The following SIMC1 variants were observed in gnomAD, a reference collection of about 807,000 sequenced individuals.
The protein encoded by SIMC1 is SUMO interacting motifs containing 1, also known as SUMO-interacting motif-containing protein 1.
SIMC1 carries 55 observed loss-of-function variants against 82.3 expected under a neutral mutation model. The ratio of observed to expected loss-of-function variants is 0.67; its 90% confidence interval spans 0.54 to 0.84. SIMC1 has a LOEUF of 0.84. SIMC1 is among the 40% of genes least tolerant of loss of function. SIMC1 has a pLI of 0.00. For synonymous variants in SIMC1, 353 were observed against 426.3 expected, an observed-to-expected ratio of 0.83 and a Z score of 2.12; for missense variants, 915 against 1,107.2, an observed-to-expected ratio of 0.83 and a Z score of 2.46.
At chr5:176,254,825 TAAG>T (rs1761794946) in intron 1 of SIMC1, among the ~76,000 whole-genome samples, 1 of 152,110 alleles carries the variant, frequency 6.6e-6, no homozygotes, top group South Asian at 2.1e-4. Flanking sequence ...CCATAAAAAA[TAAG>T]AATACTCATG....
rs569507776 is a variant in SIMC1, at chr5:176,318,872, C to T, written c.1890-3401C>T. Among the ~76,000 whole-genome samples, 11 of 152,008 alleles carry T rather than the reference C, an allele frequency of 7.2e-5. No homozygotes were observed. The East Asian group carries it at 1.6e-3, about 21-fold the overall frequency. On this transcript the variant is annotated intron_variant, in intron 5 of 9. Coordinates refer to ENST00000429602, the MANE Select transcript of SIMC1 (RefSeq NM_001308195.2). ...CTGTAGTCCCAGCACTTTGGGAGGC[C>T]GAGGTGGGTGGATCACTTTGAGCTC...
intron 9 of SIMC1, among the ~76,000 whole-genome samples, chr5:176,344,673 G>GGT (rs2113435375): frequency 6.6e-6 from 1 of 152,222 alleles, no homozygotes; most frequent in African/African-American, 2.4e-5. Context: ...AGAGTGAGGA[G>GGT]GTGCTACGTA....
intron 1 of SIMC1, among the ~76,000 whole-genome samples, chr5:176,286,026 G>C (rs574279398): frequency 9.2e-5 from 14 of 152,332 alleles, no homozygotes; most frequent in African/African-American, 3.4e-4. Context: ...CTCATGGATA[G>C]GAGGAATCAA....
intron 1 of SIMC1, among the ~76,000 whole-genome samples, chr5:176,263,971 G>A (rs540471449): frequency 1.1e-4 from 17 of 152,316 alleles, no homozygotes; most frequent in South Asian, 2.1e-4. Context: ...AAAAGAAAGC[G>A]GTAATAGGCC....
At chr5:176,275,416 A>G (rs1458155736) in intron 1 of SIMC1, among the ~76,000 whole-genome samples, 1 of 151,892 alleles carries the variant, frequency 6.6e-6, no homozygotes, top group Non-Finnish European at 1.5e-5. Flanking sequence ...TGTCATCTGC[A>G]AACAAGGACA....
Position 176,324,007 on chromosome 5 carries a change from A to T in SIMC1, c.2043-622A>T, listed in dbSNP as rs866426209. On this transcript the variant is annotated intron_variant, in intron 6 of 9. Transcript: ENST00000429602. ...CATCTCAAAAAAAAAAAAAAAAAAA[A>T]AAAAAAACACGTGTTAGAAAAGGCT... Among the ~76,000 whole-genome samples the T allele has an allele frequency of 3.7e-3, 563 of 151,768 alleles. 4 individuals carry two copies. Among genetic ancestry groups the T allele is most frequent in the African/African-American group, 0.013 (529 of 41,434 alleles).
chr5:176,243,329 C>T (rs1761331123), intron 1 of SIMC1, among the ~76,000 whole-genome samples: 1 of 152,106 alleles, frequency 6.6e-6, no homozygotes, highest in Non-Finnish European at 1.5e-5. Context: ...CGGGAATGAG[C>T]ATGACTTACT....
rs138138255 is a variant in SIMC1, at chr5:176,345,309, G to A, written c.2540G>A (p.Arg847His). 764 of 1,613,958 alleles carry A rather than the reference G, an allele frequency of 4.7e-4. 5 individuals carry two copies. Among genetic ancestry groups the A allele is most frequent in the Non-Finnish European group, 9.2e-5 (108 of 1,179,884 alleles). ...VEKQIEAFRS[R>H]LIQMLGEPLV... The stretch of plus-strand genomic sequence containing the variant: ...AAGCAGATTGAGGCCTTCCGCAGCC[G>A]CCTGATCCAGATGCTGGGGGAGCCT... The change falls in exon 10 of 10, where the codon CGC becomes CAC. Residue 847 changes from arginine (R) to histidine (H), a missense_variant. Transcript: ENST00000429602.
intron 1 of SIMC1, among the ~76,000 whole-genome samples, chr5:176,283,326 T>C (rs987111668): frequency 9.9e-5 from 15 of 152,226 alleles, no homozygotes; most frequent in Non-Finnish European, 1.5e-4. Context: ...AGCTAATCTC[T>C]TGGCAGAAAC....
intron 1 of SIMC1, among the ~76,000 whole-genome samples, chr5:176,271,080 G>T (rs1762405566): frequency 6.6e-6 from 1 of 152,148 alleles, no homozygotes. Flanking sequence ...GAAGAGTAAA[G>T]AGGGGCCAGG....
chr5:176,329,953 G>A (rs6556263), intron 7 of SIMC1, among the ~76,000 whole-genome samples: 112,539 of 152,016 alleles, frequency 0.74, 41,813 homozygotes, highest in Middle Eastern at 0.85. Context: ...GTGAGGGCTT[G>A]TTTACATATA....
intron 1 of SIMC1, among the ~76,000 whole-genome samples, chr5:176,279,958 G>T (rs1463957160): frequency 6.6e-6 from 1 of 152,066 alleles, no homozygotes; most frequent in Admixed American, 6.6e-5. Flanking sequence ...CTGTTGATTT[G>T]GGGTGGAGAG....
chr5:176,286,866 A>T (rs1763311845), intron 1 of SIMC1, among the ~76,000 whole-genome samples: 1 of 152,242 alleles, frequency 6.6e-6, no homozygotes, highest in East Asian at 1.9e-4. Context: ...CAGCCAACAG[A>T]CACATGAAAA....
At chr5:176,273,060 A>G (rs113330347) in intron 1 of SIMC1, among the ~76,000 whole-genome samples, 1 of 152,196 alleles carries the variant, frequency 6.6e-6, no homozygotes, top group Non-Finnish European at 1.5e-5. Context: ...AAATGTCCCT[A>G]TCTGACAGCT....
chr5:176,305,907 C>T (rs1168062587), intron 4 of SIMC1, among the ~76,000 whole-genome samples: 2 of 83,786 alleles, frequency 2.4e-5, no homozygotes, highest in Non-Finnish European at 4.9e-5. Flanking sequence ...AGGTGAGGGG[C>T]GCTTCTGCCC....
rs143160312 is a variant in SIMC1, at chr5:176,337,091, C to A, written c.2358C>A (p.Asp786Glu). 1.9e-6 allele frequency: 3 copies of A among 1,613,784 alleles called. No homozygotes were observed. In the African/African-American group the frequency reaches 4.0e-5, roughly 22 times the overall value. ...QSDKSQWQTW[D>E]ELVEHLQFLL... ...ATAAAAGCCAGTGGCAGACTTGGGACGAATTGGTTGAGCATCTGCAGTTTC... is the reference window on the plus strand; with the variant it reads ...ATAAAAGCCAGTGGCAGACTTGGGAAGAATTGGTTGAGCATCTGCAGTTTC... The change falls in exon 9 of 10, where the codon GAC becomes GAA. Residue 786 changes from aspartate to glutamate, a missense_variant. Asp to Glu is a conservative substitution (Grantham distance 45). This residue lies in a region of SIMC1 where 902 missense variants were observed against 1,040.3 expected (regional missense o/e 0.87). Coordinates refer to ENST00000429602, the MANE Select transcript of SIMC1 (RefSeq NM_001308195.2).
At position 176,296,251 on chromosome 5, in the gene SIMC1, G is replaced by A; in HGVS notation, c.1665G>A (p.Gln555=). The A allele has an allele frequency of 1.9e-6, 3 of 1,612,386 alleles. No homozygotes were observed. The highest frequency in any genetic ancestry group is 2.5e-6 in the Non-Finnish European group (3 of 1,178,820). ...CTAATTGATTTCACTTGACTTTCAG[G>A]CTACATCCAGCCAATGCCAAGACAG... ...EAYMLLMKIQ[Q]LHPANAKTVE... Residue 555 remains glutamine, a splice_region_variant and synonymous_variant, in exon 4 of 10, where the codon CAG becomes CAA. Transcript: ENST00000429602.
At chr5:176,340,103 GA>G (rs1766064526) in intron 9 of SIMC1, among the ~76,000 whole-genome samples, 2 of 152,218 alleles carry the variant, frequency 1.3e-5, no homozygotes, top group African/African-American at 4.8e-5. Context: ...CATGGAGGAA[GA>G]AAGGAAAAGA....
intron 1 of SIMC1, among the ~76,000 whole-genome samples, chr5:176,273,287 C>G (rs1268261514): frequency 6.6e-6 from 1 of 152,196 alleles, no homozygotes; most frequent in Non-Finnish European, 1.5e-5. Flanking sequence ...ATTCACTGTT[C>G]TGCAGCCTCT....
Sources: allele counts gnomAD v4.1 joint callset (sites outside exome capture counted in the v4.1 genomes callset), GRCh38; gene constraint gnomAD v4.1.1; regional missense constraint gnomAD v4.1.1; transcripts MANE v1.5; gene names NCBI Gene and HGNC (gene_info 2026-07-23, HGNC 2026-07-21).